The following GTPBP6 variants were observed in gnomAD, a reference collection of about 807,000 sequenced individuals.
GTPBP6 encodes putative GTP-binding protein 6.
A neutral mutation model predicts 28.9 loss-of-function variants in GTPBP6; 33 were observed. The ratio of observed to expected loss-of-function variants is 1.14; its 90% confidence interval spans 0.87 to 1.53. GTPBP6 has a LOEUF of 1.53. GTPBP6 is among the 40% of genes most tolerant of loss of function. The pLI is 0.00. For missense variants in GTPBP6, 507 were observed against 408.3 expected (o/e 1.24, Z -2.08); for synonymous variants, 231 against 192.7 (o/e 1.20, Z -1.65).
chrX:310,771 A>G (rs1205763956), intron 7 of GTPBP6, among the ~76,000 whole-genome samples: 1 of 152,028 alleles, frequency 6.6e-6, no homozygotes, highest in Non-Finnish European at 1.5e-5. Flanking sequence ...GCTTTCTGGA[A>G]CTGTGGTAGA....
intron 7 of GTPBP6, among the ~76,000 whole-genome samples, chrX:308,182 G>T (rs28434617): frequency 6.6e-6 from 1 of 151,974 alleles, no homozygotes; most frequent in Admixed American, 6.6e-5. Context: ...CCACCCAGGG[G>T]GTCTTCATTC....
exon 4 of GTPBP6, chrX:314,918 C>A (rs2070401150): frequency 2.5e-6 from 1 of 398,788 alleles, no homozygotes; most frequent in Non-Finnish European, 4.4e-6. Flanking sequence ...GCCAGGGCCA[C>A]CTGAAGCCGG....
At chrX:310,810 T>G (rs1298531427) in intron 7 of GTPBP6, among the ~76,000 whole-genome samples, 1 of 151,762 alleles carries the variant, frequency 6.6e-6, no homozygotes. Context: ...TGGCCCCCAT[T>G]TGTGGCCCCT....
chrX:305,012 G>A (rs1379934232), exon 10 of GTPBP6: 44 of 1,592,430 alleles, frequency 2.8e-5, no homozygotes, highest in Non-Finnish European at 3.5e-5. Flanking sequence ...CCAACACAGC[G>A]GTAACGCCTC....
intron 4 of GTPBP6, among the ~76,000 whole-genome samples, chrX:314,491 T>G (rs7184634): frequency 0.013 from 1,959 of 149,948 alleles, 41 homozygotes; most frequent in African/African-American, 0.046. Context: ...TTTTTTTTTT[T>G]AGACGGAGTC....
At chrX:316,501 G>A (rs1467054456) in intron 2 of GTPBP6, among the ~76,000 whole-genome samples, 63 of 152,286 alleles carry the variant, frequency 4.1e-4, no homozygotes, top group Non-Finnish European at 7.5e-4. Context: ...TACTGGAAGC[G>A]GGATGGTCAG....
chrX:317,122 G>A, intron 1 of GTPBP6, 71 bp from the exon 2 acceptor site: 1 of 397,824 alleles, frequency 2.5e-6, no homozygotes, highest in East Asian at 3.6e-5. Context: ...GCCCGGGGAG[G>A]CCTCCTCCTG....
chrX:315,454 G>C (rs1362182247), intron 2 of GTPBP6, among the ~76,000 whole-genome samples, 155 bp from the exon 3 acceptor site: 2 of 152,120 alleles, frequency 1.3e-5, no homozygotes, highest in African/African-American at 4.8e-5. Flanking sequence ...CAGGAAGTCA[G>C]CGTGGGAGGG....
intron 1 of GTPBP6, among the ~76,000 whole-genome samples, chrX:317,430 A>C: frequency 6.6e-6 from 1 of 151,932 alleles, no homozygotes; most frequent in African/African-American, 2.4e-5. Flanking sequence ...CTGTTCCAGG[A>C]ATTAGCCATT....
intron 6 of GTPBP6, chrX:311,929 C>T (rs1209568461): frequency 1.2e-4 from 67 of 582,124 alleles, no homozygotes; most frequent in South Asian, 9.7e-5. Context: ...TTGGCAATGG[C>T]GTAGATGGTG....
intron 7 of GTPBP6, among the ~76,000 whole-genome samples, chrX:310,393 C>G (rs1173369149): frequency 2.3e-5 from 3 of 129,054 alleles, no homozygotes; most frequent in Admixed American, 1.4e-4. Flanking sequence ...GCAGGAAGGA[C>G]CCTCCCCTAG....
intron 9 of GTPBP6, among the ~76,000 whole-genome samples, chrX:306,515 A>C (rs1341740922): frequency 6.9e-6 from 1 of 145,928 alleles, no homozygotes; most frequent in Non-Finnish European, 1.5e-5. Context: ...ATGCACAGTC[A>C]GAAATGTACA....
At chrX:311,069 T>C (rs28493101) in intron 7 of GTPBP6, among the ~76,000 whole-genome samples, 111,909 of 151,496 alleles carry the variant, frequency 0.74, 41,626 homozygotes, top group East Asian at 0.94. Flanking sequence ...GGCAAGAACA[T>C]GGCCCTGAGT....
At chrX:318,132 G>C (rs1322164549) in intron 1 of GTPBP6, among the ~76,000 whole-genome samples, 1 of 140,720 alleles carries the variant, frequency 7.1e-6, no homozygotes, top group Admixed American at 7.0e-5. Flanking sequence ...GAGATTCTCA[G>C]GTCAGAGCCC....
At chrX:304,852 T>G in exon 10 of GTPBP6, 1 of 1,407,502 alleles carries the variant, frequency 7.1e-7, no homozygotes, top group Admixed American at 3.0e-5. Flanking sequence ...GTGTGGATGC[T>G]CAGGCTTGGA....
In GTPBP6 at chrX:311,888, C is replaced by T. The variant is rs757776124; in HGVS notation, c.917-261G>A. 1,669 of 602,810 alleles carry T rather than the reference C, an allele frequency of 2.8e-3. 2 individuals carry two copies. Among genetic ancestry groups the T allele is most frequent in the Non-Finnish European group, 4.4e-3 (1,491 of 337,988 alleles). The allele number at this position is 602,810 out of a possible 1,614,324, so 37.3% of individuals were successfully genotyped here. ...GTGTGGACGGGTGTGCGTGTGAAGG[C>T]GTGGATGGGAGTGAGGTCGTCTGTG... On this transcript the variant is annotated intron_variant, in intron 6 of 9. Coordinates refer to ENST00000326153, the Ensembl canonical transcript of GTPBP6.
At chrX:305,867 G>A (rs183635299) in intron 9 of GTPBP6, among the ~76,000 whole-genome samples, 2,011 of 151,972 alleles carry the variant, frequency 0.013, 49 homozygotes, top group African/African-American at 0.046. Flanking sequence ...CTTGTGGTCC[G>A]CCCACCTCGG....
At chrX:314,172 G>A (rs1421857361) in exon 5 of GTPBP6, 1 of 1,613,040 alleles carries the variant, frequency 6.2e-7, no homozygotes, top group African/African-American at 1.3e-5. Flanking sequence ...TGTAGCGCGA[G>A]CCGACTCCTC....
exon 7 of GTPBP6, chrX:311,568 G>A (rs1270413985): frequency 1.2e-6 from 2 of 1,612,298 alleles, no homozygotes; most frequent in Non-Finnish European, 1.7e-6. Flanking sequence ...GTGGCAAACA[G>A]CTGGTCCCGT....
Sources: allele counts gnomAD v4.1 joint callset (sites outside exome capture counted in the v4.1 genomes callset), GRCh38; gene constraint gnomAD v4.1.1; transcripts MANE v1.5; gene names NCBI Gene and HGNC (gene_info 2026-07-23, HGNC 2026-07-21).